The following GRIA1 variants were observed in gnomAD, a reference collection of about 807,000 sequenced individuals.
GRIA1 encodes glutamate receptor 1.
Under a neutral mutation model 99.2 loss-of-function variants are expected in GRIA1, and 31 were observed. That is an observed-to-expected ratio of 0.31 (90% CI 0.23 to 0.42). The LOEUF (loss-of-function observed/expected upper bound fraction) is 0.42, where lower values mean the gene tolerates loss of function less well. Among genes scored for constraint, GRIA1 ranks in the 10% least tolerant of loss-of-function variants. The probability of loss-of-function intolerance (pLI) is 1.00; values close to 1 mark genes in which losing one functional copy is unlikely to be tolerated. For synonymous variants in GRIA1, 438 were observed against 432.4 expected, an observed-to-expected ratio of 1.01 and a Z score of -0.16; for missense variants, 782 against 1,157.5, an observed-to-expected ratio of 0.68 and a Z score of 4.71.
In GRIA1 at chr5:153,698,009, C is replaced by A. The variant is rs570789966; in HGVS notation, c.1135-35C>A. 67 of 1,207,154 alleles carry A rather than the reference C, an allele frequency of 5.6e-5. No homozygotes were observed. In the Middle Eastern group the frequency reaches 5.7e-4, roughly 10 times the overall value. The allele number at this position is 1,207,154 out of a possible 1,614,324, so 74.8% of individuals were successfully genotyped here. A position where few individuals can be genotyped will look rare whatever the true frequency, so the allele number is the denominator to read the frequency against. On this transcript the variant is annotated intron_variant, in intron 8 of 15. Coordinates refer to ENST00000285900, the MANE Select transcript of GRIA1 (RefSeq NM_000827.4). The stretch of plus-strand genomic sequence containing the variant: ...AGCAGGCCAGTTCAGAGGAGGCTGG[C>A]CCACCTGACACCTCCACTCTCTTCT...
At chr5:153,563,623 T>C (rs527298442) in intron 2 of GRIA1, among the ~76,000 whole-genome samples, 1 of 152,330 alleles carries the variant, frequency 6.6e-6, no homozygotes, top group African/African-American at 2.4e-5. Flanking sequence ...ATGCTTTCCA[T>C]CAAATATGTG....
At chr5:153,607,065 A>ATATATATATATATATATATG (rs1349350277) in intron 2 of GRIA1, among the ~76,000 whole-genome samples, 90 of 147,438 alleles carry the variant, frequency 6.1e-4, no homozygotes, top group African/African-American at 2.0e-3. Context: ...ATATATATAT[A>ATATATATATATATATATATG]TATAATCACA....
At chr5:153,626,492 G>A (rs1274427077) in intron 2 of GRIA1, among the ~76,000 whole-genome samples, 2 of 148,238 alleles carry the variant, frequency 1.3e-5, no homozygotes, top group African/African-American at 5.0e-5. Flanking sequence ...GTGTGTATGT[G>A]TTGTGCTGTT....
chr5:153,658,472 A>C (rs1755113485), intron 5 of GRIA1, among the ~76,000 whole-genome samples: 2 of 152,216 alleles, frequency 1.3e-5, no homozygotes, highest in African/African-American at 2.4e-5. Flanking sequence ...AGCTAATAGG[A>C]TGAAAATTGC....
At chr5:153,709,391 A>C (rs1009625301) in intron 11 of GRIA1, among the ~76,000 whole-genome samples, 6 of 152,212 alleles carry the variant, frequency 3.9e-5, no homozygotes, top group Non-Finnish European at 8.8e-5. Context: ...ATATATCTGC[A>C]CTTATCCACA....
chr5:153,740,946 C>A (rs1202353187), intron 11 of GRIA1, among the ~76,000 whole-genome samples: 1 of 144,564 alleles, frequency 6.9e-6, no homozygotes, highest in Non-Finnish European at 1.5e-5. Context: ...CAAGTCTTGG[C>A]AGGGATGTGA....
chr5:153,489,668 A>G (rs1753734693), upstream of GRIA1: 1 of 380,158 alleles, frequency 2.6e-6, no homozygotes, highest in South Asian at 2.1e-5. Flanking sequence ...TAACACTACT[A>G]TCCTGAACAC....
At chr5:153,560,639 G>A (rs1304247751) in intron 2 of GRIA1, among the ~76,000 whole-genome samples, 2 of 152,196 alleles carry the variant, frequency 1.3e-5, no homozygotes, top group Non-Finnish European at 2.9e-5. Context: ...ATGATTGTGA[G>A]GCCTCCCTAG....
At chr5:153,563,161 C>A (rs369749217) in intron 2 of GRIA1, among the ~76,000 whole-genome samples, 10 of 146,766 alleles carry the variant, frequency 6.8e-5, no homozygotes, top group African/African-American at 2.5e-4. Context: ...GGCGACAGAG[C>A]GAGACTCTGT....
chr5:153,723,195 C>T (rs958410104), intron 11 of GRIA1, among the ~76,000 whole-genome samples: 3 of 152,194 alleles, frequency 2.0e-5, no homozygotes, highest in African/African-American at 7.2e-5. Flanking sequence ...ATAGTCTCAA[C>T]TCAATGTGTA....
intron 11 of GRIA1, among the ~76,000 whole-genome samples, chr5:153,724,953 A>T (rs1319952991): frequency 1.3e-5 from 2 of 152,212 alleles, no homozygotes; most frequent in African/African-American, 2.4e-5. Context: ...TGTCAGATAC[A>T]CCAAAGTTGA....
At chr5:153,511,050 T>C (rs930085909) in intron 2 of GRIA1, among the ~76,000 whole-genome samples, 13 of 152,332 alleles carry the variant, frequency 8.5e-5, no homozygotes, top group African/African-American at 3.1e-4. Context: ...TGTGTCTTGT[T>C]AATTTCTAAA....
chr5:153,659,922 A>G (rs771190635), intron 5 of GRIA1, among the ~76,000 whole-genome samples: 15 of 152,226 alleles, frequency 9.9e-5, no homozygotes, highest in Non-Finnish European at 1.5e-4. Flanking sequence ...CAATAGTAAT[A>G]TCAACAATCT....
At position 153,706,001 on chromosome 5, in the gene GRIA1, G is replaced by A. The variant is rs1231519310; in HGVS notation, c.1757G>A (p.Gly586Glu). The change falls in exon 11 of 16, where the codon GGG (glycine) becomes GAG (glutamate). Residue 586 changes from glycine (G) to glutamate (E), a missense_variant. Gly to Glu is a moderately conservative substitution (Grantham distance 98, BLOSUM62 -2). Transcript: ENST00000285900. ...ACCAGTGACCAGTCCAATGAGTTTG[G>A]GATATTCAACAGTTTGTGGTTCTCC... ...QTTSDQSNEF[G>E]IFNSLWFSLG... 2 of 1,613,860 alleles carry A rather than the reference G, an allele frequency of 1.2e-6. No homozygotes were observed. Among genetic ancestry groups the A allele is most frequent in the Non-Finnish European group, 1.7e-6 (2 of 1,179,872 alleles).
At chr5:153,748,453 G>A (rs941492651) in intron 11 of GRIA1, among the ~76,000 whole-genome samples, 4 of 152,162 alleles carry the variant, frequency 2.6e-5, no homozygotes, top group African/African-American at 7.2e-5. Flanking sequence ...GACAAGACGC[G>A]GGCTGGCTCA....
intron 2 of GRIA1, among the ~76,000 whole-genome samples, chr5:153,529,514 T>C (rs1016277634): frequency 2.0e-5 from 3 of 152,150 alleles, no homozygotes; most frequent in African/African-American, 7.2e-5. Flanking sequence ...CTGGACAGTA[T>C]AAGTTGGTCT....
Position 153,649,810 on chromosome 5 carries a change from G to A in GRIA1, c.461-520G>A, listed in dbSNP as rs546953326. 2.6e-4 allele frequency among the ~76,000 whole-genome samples: 40 copies of A among 152,232 alleles called. 1 individual carries two copies. In the South Asian group the frequency reaches 8.3e-3, roughly 32 times the overall value. On this transcript the variant is annotated intron_variant, in intron 3 of 15. Coordinates refer to ENST00000285900, the MANE Select transcript of GRIA1 (RefSeq NM_000827.4). ...TACTGTGTGAGAGACAAAGTATTAG[G>A]TATTAAAGATACTATATTGAACATT...
chr5:153,684,793 GAT>G (rs925130366), intron 7 of GRIA1, among the ~76,000 whole-genome samples: 2 of 152,200 alleles, frequency 1.3e-5, no homozygotes, highest in African/African-American at 4.8e-5. Flanking sequence ...GAAAAGCAAA[GAT>G]AGCCCAGACA....
intron 4 of GRIA1, among the ~76,000 whole-genome samples, chr5:153,652,007 A>G (rs1754609674): frequency 6.6e-6 from 1 of 152,176 alleles, no homozygotes; most frequent in Non-Finnish European, 1.5e-5. Flanking sequence ...AATAATAGCC[A>G]CTTTTAGAGG....
Sources: allele counts gnomAD v4.1 joint callset (sites outside exome capture counted in the v4.1 genomes callset), GRCh38; gene constraint gnomAD v4.1.1; transcripts MANE v1.5; gene names NCBI Gene and HGNC (gene_info 2026-07-23, HGNC 2026-07-21).